Variants in DCDC1 observed in about 807,000 individuals in gnomAD.
The protein encoded by DCDC1 is doublecortin domain containing 1.
DCDC1 carries 200 observed loss-of-function variants against 178.3 expected under a neutral mutation model. The observed-to-expected ratio is 1.12, with a 90% CI of 1.00 to 1.26. DCDC1 has a LOEUF of 1.26. Among genes scored for constraint, DCDC1 ranks in the 50% most tolerant of loss-of-function variants. The pLI is 0.00. For synonymous variants in DCDC1, 690 were observed against 604.8 expected (o/e 1.14, Z -2.07); for missense variants, 1,983 against 1,749.2 (o/e 1.13, Z -2.38).
At chr11:31,069,767 T>C (rs1956445440) in intron 18 of DCDC1, among the ~76,000 whole-genome samples, 2 of 152,172 alleles carry the variant, frequency 1.3e-5, no homozygotes, top group African/African-American at 4.8e-5. Flanking sequence ...TTTATGTAAG[T>C]TCATTTCTGA....
intron 6 of DCDC1, among the ~76,000 whole-genome samples, chr11:31,301,653 A>G (rs1948124197): frequency 6.6e-6 from 1 of 152,206 alleles, no homozygotes; most frequent in African/African-American, 2.4e-5. Context: ...GATATGAGAA[A>G]AAGTGTTATG....
At chr11:31,318,853 T>C (rs1179454281) in intron 3 of DCDC1, among the ~76,000 whole-genome samples, 1 of 64,708 alleles carries the variant, frequency 1.5e-5, no homozygotes, top group East Asian at 2.4e-4. Flanking sequence ...TTCTGGTATG[T>C]GGTGTCTTTG....
intron 36 of DCDC1, among the ~76,000 whole-genome samples, chr11:30,888,154 G>GAAAGAAAGAAAGAA (rs1943459609): frequency 5.8e-5 from 8 of 136,874 alleles, no homozygotes; most frequent in Admixed American, 5.7e-4. Context: ...AAGAAAGAAA[G>GAAAGAAAGAAAGAA]AAAGAAAGGG....
intron 20 of DCDC1, among the ~76,000 whole-genome samples, chr11:31,022,738 A>G (rs972487719): frequency 3.4e-5 from 5 of 146,880 alleles, no homozygotes; most frequent in African/African-American, 1.3e-4. Context: ...AATATAAATT[A>G]TTCGTGTGTG....
intron 3 of DCDC1, among the ~76,000 whole-genome samples, chr11:31,308,435 A>T (rs965321240): frequency 6.6e-6 from 1 of 152,226 alleles, no homozygotes; most frequent in Non-Finnish European, 1.5e-5. Flanking sequence ...TTAGCCTTAA[A>T]GATGAAAATA....
At chr11:31,294,593 G>A (rs1475172013) in intron 6 of DCDC1, among the ~76,000 whole-genome samples, 4 of 99,022 alleles carry the variant, frequency 4.0e-5, no homozygotes, top group African/African-American at 7.3e-5. Context: ...GGGAAGGAAA[G>A]GGATGGGGAG....
At chr11:31,074,445 A>G (rs1956750733) in intron 18 of DCDC1, among the ~76,000 whole-genome samples, 1 of 152,128 alleles carries the variant, frequency 6.6e-6, no homozygotes, top group Admixed American at 6.5e-5. Context: ...GCTCTCATGG[A>G]CAGAATTAGG....
At chr11:30,866,369 T>C (rs2133894753) in intron 38 of DCDC1, among the ~76,000 whole-genome samples, 1 of 152,216 alleles carries the variant, frequency 6.6e-6, no homozygotes, top group South Asian at 2.1e-4. Context: ...TTTCATATGG[T>C]GCCTGGTTCC....
chr11:30,974,213 C>T (rs1043068989), intron 20 of DCDC1, among the ~76,000 whole-genome samples: 5 of 150,882 alleles, frequency 3.3e-5, no homozygotes, highest in African/African-American at 1.2e-4. Flanking sequence ...CACACCAAAG[C>T]CTGTCGGATA....
intron 9 of DCDC1, among the ~76,000 whole-genome samples, chr11:31,192,542 A>T (rs1334172019): frequency 6.6e-6 from 1 of 152,064 alleles, no homozygotes; most frequent in Non-Finnish European, 1.5e-5. Context: ...AGGCCTAATC[A>T]TGCTTCACAA....
chr11:31,055,539 G>A (rs1955530342), intron 20 of DCDC1, among the ~76,000 whole-genome samples: 1 of 152,220 alleles, frequency 6.6e-6, no homozygotes, highest in Non-Finnish European at 1.5e-5. Flanking sequence ...ATATGAAAAA[G>A]ATTCTTGCAC....
chr11:31,305,627 T>TG lies in DCDC1; in HGVS notation c.741dup (p.Lys248GlnfsTer4). The TG allele has an allele frequency of 6.2e-7, 1 of 1,613,558 alleles. No individual in the cohort carries two copies. Among genetic ancestry groups the TG allele is most frequent in the East Asian group, 2.2e-5 (1 of 44,874 alleles). ...AGATCTTTTTTACCTTTAATTTTTT[T>TG]GAATGGATTTAAAAAGGGCTCTCCC... On this transcript the variant is annotated frameshift_variant, in exon 6 of 39. Transcript: ENST00000684477. LOFTEE classifies it high-confidence loss of function.
At chr11:31,101,358 G>C (rs1026664751) in intron 15 of DCDC1, among the ~76,000 whole-genome samples, 10 of 83,504 alleles carry the variant, frequency 1.2e-4, no homozygotes, top group Non-Finnish European at 2.0e-4. Flanking sequence ...TCATAATTGA[G>C]CTGGAGGGAA....
At chr11:31,340,726 C>T (rs1950503218) in intron 1 of DCDC1, among the ~76,000 whole-genome samples, 1 of 152,134 alleles carries the variant, frequency 6.6e-6, no homozygotes, top group Admixed American at 6.5e-5. Context: ...AGCAGGTTGT[C>T]TTTGGACTTG....
Position 30,881,326 on chromosome 11 carries a change from A to T in DCDC1, c.5083-18T>A. On this transcript the variant is annotated intron_variant, in intron 36 of 38. Coordinates refer to ENST00000684477, the MANE Select transcript of DCDC1 (RefSeq NM_001387274.1). ...TGCAGCAGCTGAGACACAGAGGGAC[A>T]GCCACATTTGAATACGGAATGGCAC... is the stretch of plus-strand genomic sequence containing the variant. 1.2e-6 allele frequency: 2 copies of T among 1,611,750 alleles called. No homozygotes were observed. The highest frequency in any genetic ancestry group is 1.7e-6 in the Non-Finnish European group (2 of 1,178,876).
chr11:30,948,296 A>G (rs540490843), intron 21 of DCDC1, among the ~76,000 whole-genome samples: 14 of 152,308 alleles, frequency 9.2e-5, no homozygotes, highest in Non-Finnish European at 1.6e-4. Context: ...ACAACTTACA[A>G]GGGATGTGAA....
chr11:31,276,655 C>G (rs1013350634), intron 7 of DCDC1, among the ~76,000 whole-genome samples: 1 of 152,058 alleles, frequency 6.6e-6, no homozygotes, highest in Admixed American at 6.6e-5. Context: ...TAAATTTGTA[C>G]CCATCTCATT....
intron 9 of DCDC1, among the ~76,000 whole-genome samples, chr11:31,146,822 T>C (rs1390464117): frequency 6.6e-6 from 1 of 152,190 alleles, no homozygotes; most frequent in Non-Finnish European, 1.5e-5. Flanking sequence ...TCCTTGAGTA[T>C]GCCAATATCC....
At chr11:31,279,744 G>A (rs12364580) in intron 7 of DCDC1, among the ~76,000 whole-genome samples, 37,022 of 151,948 alleles carry the variant, frequency 0.24, 4,591 homozygotes, top group East Asian at 0.3. Flanking sequence ...CAGGGGGTGG[G>A]GGGCTAGGCG....
Sources: gnomAD v4.1 joint callset for allele counts (sites outside exome capture counted in the v4.1 genomes callset) on GRCh38, gnomAD v4.1.1 for gene constraint, MANE v1.5 for transcripts, NCBI Gene and HGNC (gene_info 2026-07-23, HGNC 2026-07-21) for gene names.